Variants in SAMSN1 observed in about 807,000 individuals in gnomAD.
SAMSN1 encodes SAM domain-containing protein SAMSN-1.
In SAMSN1, 31 loss-of-function variants were observed where a neutral mutation model predicts 42.0. That is an observed-to-expected ratio of 0.74 (90% confidence interval 0.55 to 1.00). SAMSN1 has a LOEUF of 1.00. Among genes scored for constraint, SAMSN1 ranks in the 50% least tolerant of loss-of-function variants. The pLI, the probability that SAMSN1 is intolerant of heterozygous loss-of-function variation, is 0.00. For synonymous variants in SAMSN1, 178 were observed against 151.9 expected, an observed-to-expected ratio of 1.17 and a Z score of -1.26; for missense variants, 464 against 439.4, an observed-to-expected ratio of 1.06 and a Z score of -0.50.
At chr21:14,555,538 A>G (rs1980737862) in intron 2 of SAMSN1, among the ~76,000 whole-genome samples, 1 of 152,168 alleles carries the variant, frequency 6.6e-6, no homozygotes, top group South Asian at 2.1e-4. Context: ...TGGCATAGGG[A>G]CATGGCAGAA....
intron 1 of SAMSN1, among the ~76,000 whole-genome samples, chr21:14,656,524 C>A (rs1013505486): frequency 6.6e-6 from 1 of 151,650 alleles, no homozygotes; most frequent in African/African-American, 2.4e-5. Flanking sequence ...AATCACTGTG[C>A]CTCAAATGAG....
At chr21:14,508,260 G>A (rs1052563294) in intron 5 of SAMSN1, among the ~76,000 whole-genome samples, 2 of 152,094 alleles carry the variant, frequency 1.3e-5, no homozygotes, top group African/African-American at 2.4e-5. Context: ...AGTCAGCAGA[G>A]CAAACAGACA....
chr21:14,624,447 C>T (rs1983106959), intron 2 of SAMSN1, among the ~76,000 whole-genome samples: 1 of 152,098 alleles, frequency 6.6e-6, no homozygotes, highest in African/African-American at 2.4e-5. Flanking sequence ...AAGGGGATAT[C>T]ATCACCAATC....
At chr21:14,519,281 A>C (rs1261744228) in intron 2 of SAMSN1, among the ~76,000 whole-genome samples, 1 of 152,166 alleles carries the variant, frequency 6.6e-6, no homozygotes, top group Admixed American at 6.5e-5. Flanking sequence ...AAAAATATGC[A>C]CACTATTTTA....
intron 5 of SAMSN1, among the ~76,000 whole-genome samples, chr21:14,507,665 C>T (rs143428969): frequency 1.6e-3 from 248 of 152,224 alleles, no homozygotes; most frequent in African/African-American, 5.6e-3. Flanking sequence ...CATCAAAATA[C>T]CACCATCGTT....
intron 7 of SAMSN1, among the ~76,000 whole-genome samples, chr21:14,589,230 G>T (rs1471063881): frequency 1.3e-5 from 2 of 152,170 alleles, no homozygotes; most frequent in East Asian, 3.9e-4. Flanking sequence ...TAGACATCTA[G>T]TCTACCAGGC....
intron 7 of SAMSN1, among the ~76,000 whole-genome samples, chr21:14,589,344 A>G (rs1982012879): frequency 6.6e-6 from 1 of 152,056 alleles, no homozygotes; most frequent in Non-Finnish European, 1.5e-5. Flanking sequence ...CTGACTTTTA[A>G]TCCAATGTTC....
intron 1 of SAMSN1, among the ~76,000 whole-genome samples, chr21:14,531,524 A>G (rs1333549072): frequency 6.6e-6 from 1 of 151,614 alleles, no homozygotes; most frequent in East Asian, 1.9e-4. Flanking sequence ...AAAATTTTTT[A>G]TTATCTAACA....
At position 14,485,440 on chromosome 21, in the gene SAMSN1, A is replaced by T. The variant is rs935126503; in HGVS notation, c.*472T>A. 10 of 153,792 alleles carry T rather than the reference A, an allele frequency of 6.5e-5. No homozygotes were observed. The allele number at this position is 153,792 out of a possible 1,614,324, so 9.5% of individuals were successfully genotyped here. On this transcript the variant is annotated 3_prime_UTR_variant, in exon 8 of 8. Transcript: ENST00000400566. Reference sequence around the variant, plus strand: ...AAACTCCACTGTGGATCAGGATAAAATGTGTCCAATATTAACTCACACTTT... The same window carrying T: ...AAACTCCACTGTGGATCAGGATAAATTGTGTCCAATATTAACTCACACTTT...
Position 14,649,270 on chromosome 21 carries a change from T to C in SAMSN1, c.25-6137A>G, listed in dbSNP as rs1387714069. On this transcript the variant is annotated intron_variant, in intron 1 of 15. Transcript: ENST00000647101. ...GGGAACATCATACTCTGGGGACTGT[T>C]GTGGGGTGGGGGGAGGGGGGGAGGG... is the stretch of plus-strand genomic sequence containing the variant. 1.4e-4 allele frequency among the ~76,000 whole-genome samples: 11 copies of C among 81,280 alleles called. No homozygotes were observed. In the Admixed American group the frequency reaches 2.0e-3, roughly 15 times the overall value. The allele number at this position is 81,280 out of a possible 152,430, so 53.3% of individuals were successfully genotyped here.
chr21:14,542,428 CA>C (rs1285086705), intron 1 of SAMSN1, among the ~76,000 whole-genome samples: 2 of 151,738 alleles, frequency 1.3e-5, no homozygotes, highest in Non-Finnish European at 2.9e-5. Context: ...AATTAGTGTA[CA>C]AAAAGCTGTA....
At chr21:14,653,902 G>C (rs1045594289) in intron 1 of SAMSN1, among the ~76,000 whole-genome samples, 1 of 151,656 alleles carries the variant, frequency 6.6e-6, no homozygotes, top group Admixed American at 6.6e-5. Context: ...TAAATTCAAG[G>C]CATGCTTTGA....
At chr21:14,590,624 A>T (rs1042840394) in intron 7 of SAMSN1, among the ~76,000 whole-genome samples, 2 of 152,128 alleles carry the variant, frequency 1.3e-5, no homozygotes, top group African/African-American at 4.8e-5. Flanking sequence ...TAGAAGGCAG[A>T]TTTCAATAAT....
intron 7 of SAMSN1, chr21:14,591,877 C>T (rs1376502597): frequency 6.6e-6 from 1 of 152,100 alleles, no homozygotes; most frequent in Non-Finnish European, 1.5e-5. Flanking sequence ...CCTCTGAGAA[C>T]ACAGTAAAAA....
upstream of SAMSN1, among the ~76,000 whole-genome samples, chr21:14,659,317 T>C (rs1983963262): frequency 6.6e-6 from 1 of 152,012 alleles, no homozygotes; most frequent in Non-Finnish European, 1.5e-5. Flanking sequence ...ACTTTAACCA[T>C]TTTTAAGTAA....
At chr21:14,606,087 G>T (rs1025078285) in intron 5 of SAMSN1, among the ~76,000 whole-genome samples, 3 of 152,008 alleles carry the variant, frequency 2.0e-5, no homozygotes, top group African/African-American at 4.8e-5. Flanking sequence ...TGATCCGCCC[G>T]CCTCGGCTGC....
intron 1 of SAMSN1, among the ~76,000 whole-genome samples, chr21:14,644,182 C>A (rs458104): frequency 3.0e-4 from 46 of 152,004 alleles, no homozygotes; most frequent in African/African-American, 1.1e-3. Flanking sequence ...ACTGAGACAC[C>A]GGTTGGGGCA....
At position 14,594,310 on chromosome 21, in the gene SAMSN1, C is replaced by A. The variant is rs1312498573; in HGVS notation, c.400-232G>T. Among the ~76,000 whole-genome samples, 3 of 152,102 alleles carry A rather than the reference C, an allele frequency of 2.0e-5. No individual in the cohort carries two copies. In the East Asian group the frequency reaches 5.8e-4, roughly 29 times the overall value. On this transcript the variant is annotated intron_variant, in intron 6 of 15. Coordinates refer to the SAMSN1 transcript ENST00000647101. ...TATGTGTATGTATACATAGTATATA[C>A]ACATTATATATCCATATATGTGTGT...
At chr21:14,649,772 A>AACACACACAC (rs60905314) in intron 1 of SAMSN1, among the ~76,000 whole-genome samples, 262 of 135,734 alleles carry the variant, frequency 1.9e-3, no homozygotes, top group African/African-American at 3.0e-3. Flanking sequence ...ACTGTCTCAA[A>AACACACACAC]ACACACACAC....
Sources: gnomAD v4.1 joint callset for allele counts (sites outside exome capture counted in the v4.1 genomes callset) on GRCh38, gnomAD v4.1.1 for gene constraint, MANE v1.5 for transcripts, NCBI Gene and HGNC (gene_info 2026-07-23, HGNC 2026-07-21) for gene names.